Variants in ERBB4 observed in about 807,000 individuals in gnomAD.
ERBB4 encodes the protein erb-b2 receptor tyrosine kinase 4.
A neutral mutation model predicts 158.0 loss-of-function variants in ERBB4; 42 were observed. The ratio of observed to expected loss-of-function variants is 0.27; its 90% CI spans 0.21 to 0.34. The LOEUF is 0.34. Among genes scored for constraint, ERBB4 ranks in the 10% least tolerant of loss-of-function variants. ERBB4 has a pLI of 1.00. For synonymous variants in ERBB4, 583 were observed against 558.7 expected (o/e 1.04, Z -0.61); for missense variants, 1,333 against 1,624.1 (o/e 0.82, Z 3.08).
intron 1 of ERBB4, among the ~76,000 whole-genome samples, chr2:212,508,025 C>T (rs757327567): frequency 6.6e-6 from 1 of 152,176 alleles, no homozygotes; most frequent in African/African-American, 2.4e-5. Flanking sequence ...CCTTCAGCAA[C>T]CACCACCCTG....
At chr2:212,429,072 G>A (rs1339105548) in intron 1 of ERBB4, 1 of 152,240 alleles carries the variant, frequency 6.6e-6, no homozygotes, top group Non-Finnish European at 1.5e-5. Context: ...GCAGGAATGA[G>A]AGCAGTTTAT....
At chr2:211,566,766 T>C (rs1220815350) in intron 19 of ERBB4, among the ~76,000 whole-genome samples, 5 of 152,162 alleles carry the variant, frequency 3.3e-5, no homozygotes, top group Non-Finnish European at 7.4e-5. Context: ...TATTTAATTG[T>C]GTATTAAGTT....
intron 1 of ERBB4, among the ~76,000 whole-genome samples, chr2:212,440,225 A>G (rs2105973227): frequency 6.6e-6 from 1 of 152,318 alleles, no homozygotes; most frequent in South Asian, 2.1e-4. Flanking sequence ...TTAACATTTG[A>G]TTCAGTGGCC....
intron 14 of ERBB4, 68 bp downstream of exon 14, chr2:211,673,096 A>T: frequency 8.4e-7 from 1 of 1,196,536 alleles, no homozygotes; most frequent in East Asian, 2.3e-5. Context: ...AATAAATGAT[A>T]AAATAATAAC....
chr2:212,144,030 A>G (rs188650999), intron 1 of ERBB4, among the ~76,000 whole-genome samples: 6,380 of 151,928 alleles, frequency 0.042, 419 homozygotes, highest in African/African-American at 0.14. Context: ...AAAAAAAAAA[A>G]AGAAGAAACT....
intron 22 of ERBB4, 39 bp downstream of exon 22, chr2:211,428,369 T>A: frequency 8.9e-7 from 1 of 1,124,748 alleles, no homozygotes; most frequent in Non-Finnish European, 1.4e-6. Flanking sequence ...TATGTATTTT[T>A]GCTTTACAAG....
At chr2:212,382,228 C>CAT (rs909098679) in intron 1 of ERBB4, among the ~76,000 whole-genome samples, 14 of 149,438 alleles carry the variant, frequency 9.4e-5, no homozygotes, top group East Asian at 3.9e-4. Flanking sequence ...TACACACATA[C>CAT]ATATATATAC....
At chr2:212,084,129 A>G (rs1385721928) in intron 2 of ERBB4, among the ~76,000 whole-genome samples, 1 of 151,948 alleles carries the variant, frequency 6.6e-6, no homozygotes, top group Non-Finnish European at 1.5e-5. Context: ...CAAATAATTG[A>G]GAGTCGATTG....
intron 3 of ERBB4, among the ~76,000 whole-genome samples, chr2:211,939,674 A>C (rs1465289762): frequency 1.3e-5 from 2 of 152,154 alleles, no homozygotes; most frequent in Non-Finnish European, 2.9e-5. Flanking sequence ...GTGGCCGGGC[A>C]TGGTGGCTCA....
intron 20 of ERBB4, among the ~76,000 whole-genome samples, chr2:211,531,953 T>C (rs1356840220): frequency 6.6e-6 from 1 of 152,036 alleles, no homozygotes; most frequent in Non-Finnish European, 1.5e-5. Context: ...CTGGTACATA[T>C]TCAGCCATAA....
intron 3 of ERBB4, among the ~76,000 whole-genome samples, chr2:211,905,710 GTATA>G (rs1324797193): frequency 8.1e-6 from 1 of 123,552 alleles, no homozygotes; most frequent in South Asian, 2.8e-4. Context: ...GTATGTGTGT[GTATA>G]TATGTGTGTG....
At chr2:212,342,967 A>C (rs2088796481) in intron 1 of ERBB4, among the ~76,000 whole-genome samples, 1 of 152,144 alleles carries the variant, frequency 6.6e-6, no homozygotes, top group Non-Finnish European at 1.5e-5. Flanking sequence ...TTAATGTTTA[A>C]CTCAAGAATT....
In ERBB4 at chr2:211,749,192, G is replaced by A. The variant is rs369924102; in HGVS notation, c.622+1447C>T. 1.2e-4 allele frequency among the ~76,000 whole-genome samples: 19 copies of A among 152,104 alleles called. No homozygotes were observed. The South Asian group carries it at 2.3e-3, about 18-fold the overall frequency. Reference sequence around the variant, plus strand: ...ATAGGCATTTATGTACATTGCTCTCGGTAGAACTAATTGATCCAACCTCTA... The same window carrying A: ...ATAGGCATTTATGTACATTGCTCTCAGTAGAACTAATTGATCCAACCTCTA... On this transcript the variant is annotated intron_variant, in intron 5 of 27. Transcript: ENST00000342788.
At chr2:212,153,515 T>C (rs2080937062) in intron 1 of ERBB4, among the ~76,000 whole-genome samples, 1 of 152,170 alleles carries the variant, frequency 6.6e-6, no homozygotes, top group Non-Finnish European at 1.5e-5. Flanking sequence ...AGACACATTC[T>C]GAGACAGAGT....
chr2:211,640,181 C>G (rs887330570), intron 16 of ERBB4, among the ~76,000 whole-genome samples: 1 of 151,974 alleles, frequency 6.6e-6, no homozygotes, highest in South Asian at 2.1e-4. Flanking sequence ...AAAATGCTAA[C>G]AAAGAGGGAT....
At chr2:211,715,465 A>G (rs1448048293) in intron 7 of ERBB4, among the ~76,000 whole-genome samples, 1 of 152,182 alleles carries the variant, frequency 6.6e-6, no homozygotes, top group East Asian at 1.9e-4. Context: ...TTAAGTAGCC[A>G]TTCTTTCTTC....
intron 19 of ERBB4, among the ~76,000 whole-genome samples, 174 bp downstream of exon 19, chr2:211,619,003 T>C (rs2069493729): frequency 6.6e-6 from 1 of 152,128 alleles, no homozygotes; most frequent in Non-Finnish European, 1.5e-5. Context: ...AAAAGTGATC[T>C]AAAAAGTATA....
At chr2:212,286,874 G>A (rs1201228067) in intron 1 of ERBB4, among the ~76,000 whole-genome samples, 1 of 146,122 alleles carries the variant, frequency 6.8e-6, no homozygotes, top group Non-Finnish European at 1.5e-5. Flanking sequence ...GCCTCCCAAA[G>A]TACTGGGATT....
chr2:211,398,978 T>A (rs1027817402), intron 25 of ERBB4, among the ~76,000 whole-genome samples: 4 of 152,196 alleles, frequency 2.6e-5, no homozygotes, highest in African/African-American at 9.6e-5. Flanking sequence ...CTCATAAGCC[T>A]TCAGTCAAAT....
Sources: gnomAD v4.1 joint callset for allele counts (sites outside exome capture counted in the v4.1 genomes callset) on GRCh38, gnomAD v4.1.1 for gene constraint, MANE v1.5 for transcripts, NCBI Gene and HGNC (gene_info 2026-07-23, HGNC 2026-07-21) for gene names.